KCNH5: variants seen among roughly 807,000 people sequenced by gnomAD.
KCNH5 encodes potassium voltage-gated channel subfamily H member 5, also known as voltage-gated delayed rectifier potassium channel KCNH5.
A neutral mutation model predicts 96.1 loss-of-function variants in KCNH5; 46 were observed. The observed-to-expected ratio is 0.48, with a 90% CI of 0.38 to 0.61. The LOEUF is 0.61. Among genes scored for constraint, KCNH5 ranks in the 20% least tolerant of loss-of-function variants. The pLI is 0.00. For missense variants in KCNH5, 907 were observed against 1,225.8 expected, an observed-to-expected ratio of 0.74 and a Z score of 3.88; for synonymous variants, 439 against 449.8, an observed-to-expected ratio of 0.98 and a Z score of 0.30.
At chr14:62,782,289 T>A (rs1886235242) in intron 9 of KCNH5, among the ~76,000 whole-genome samples, 1 of 152,192 alleles carries the variant, frequency 6.6e-6, no homozygotes. Context: ...ATTTCAAGCT[T>A]AAGAGGCACT....
At chr14:62,875,324 A>G (rs1183971993) in intron 7 of KCNH5, among the ~76,000 whole-genome samples, 2 of 152,116 alleles carry the variant, frequency 1.3e-5, no homozygotes, top group Non-Finnish European at 2.9e-5. Flanking sequence ...CTTTCTTCAC[A>G]GAATTGGAAA....
chr14:62,968,862 T>C, intron 6 of KCNH5, among the ~76,000 whole-genome samples: 1 of 152,318 alleles, frequency 6.6e-6, no homozygotes, highest in East Asian at 1.9e-4. Flanking sequence ...TAAAGATCTT[T>C]GCTGGATTTG....
intron 7 of KCNH5, among the ~76,000 whole-genome samples, chr14:62,897,383 G>A (rs895590635): frequency 6.6e-6 from 1 of 152,148 alleles, no homozygotes; most frequent in African/African-American, 2.4e-5. Flanking sequence ...GTCAGGTATT[G>A]TAAGGCAAGA....
In KCNH5 at chr14:62,908,782, A is replaced by ATTTTTTTTTTTTTTTTT. The variant is rs71120241; in HGVS notation, c.1369+41334_1369+41350dup. 1.8e-3 allele frequency among the ~76,000 whole-genome samples: 43 copies of ATTTTTTTTTTTTTTTTT among 23,718 alleles called. 9 individuals are homozygous for ATTTTTTTTTTTTTTTTT. The highest frequency in any genetic ancestry group is 2.3e-3 in the Non-Finnish European group (33 of 14,346). 15.6% of individuals were successfully genotyped at this position (23,718 alleles called of 152,430 possible). The stretch of plus-strand genomic sequence containing the variant: ...TTGCCCTTTGTTGATTTTGCTTTGT[A>ATTTTTTTTTTTTTTTTT]TTTTTTTTTTTTTTTTTTTTTTTTT... On this transcript the variant is annotated intron_variant, in intron 7 of 10. Coordinates refer to ENST00000322893, the MANE Select transcript of KCNH5 (RefSeq NM_139318.5).
chr14:62,935,219 A>G (rs1889655888), intron 7 of KCNH5, among the ~76,000 whole-genome samples: 1 of 152,218 alleles, frequency 6.6e-6, no homozygotes, highest in South Asian at 2.1e-4. Flanking sequence ...GAGAACTAGT[A>G]TGGTTTTGAA....
intron 8 of KCNH5, among the ~76,000 whole-genome samples, chr14:62,826,972 T>C (rs1005519391): frequency 1.3e-5 from 2 of 151,968 alleles, no homozygotes; most frequent in Admixed American, 1.3e-4. Context: ...GATCAAAAGA[T>C]ACATGAAAGG....
Position 62,703,562 on chromosome 14 carries a change from T to A in KCNH5, c.*3946A>T, listed in dbSNP as rs551544921. The A allele has an allele frequency of 6.6e-6, 1 of 151,974 alleles. No homozygotes were observed. Among genetic ancestry groups the A allele is most frequent in the South Asian group, 2.1e-4 (1 of 4,832 alleles). 9.4% of individuals were successfully genotyped at this position (151,974 alleles called of 1,614,324 possible). A position where few individuals can be genotyped will look rare whatever the true frequency, so the allele number is the denominator to read the frequency against. On this transcript the variant is annotated 3_prime_UTR_variant, in exon 11 of 11. Coordinates refer to ENST00000322893, the MANE Select transcript of KCNH5 (RefSeq NM_139318.5). The stretch of plus-strand genomic sequence containing the variant: ...TAGGAAAGGTTAACTTGCCCATAAT[T>A]ACACTTCTAGTTTGTGGTAAAGCTA...
intron 7 of KCNH5, among the ~76,000 whole-genome samples, chr14:62,928,188 G>A (rs1889511184): frequency 6.6e-6 from 1 of 152,108 alleles, no homozygotes; most frequent in Middle Eastern, 3.2e-3. Flanking sequence ...CCAGAAATAA[G>A]AGGAGTCAGC....
At chr14:62,877,718 G>C in intron 7 of KCNH5, among the ~76,000 whole-genome samples, 1 of 151,702 alleles carries the variant, frequency 6.6e-6, no homozygotes, top group Admixed American at 6.6e-5. Context: ...AGGATGTGGA[G>C]AAATAGGAAC....
intron 7 of KCNH5, among the ~76,000 whole-genome samples, chr14:62,852,901 C>T (rs1046666721): frequency 9.9e-5 from 15 of 152,084 alleles, no homozygotes; most frequent in African/African-American, 3.6e-4. Flanking sequence ...TCAGTAGAAG[C>T]TCCCTCTAAA....
intron 1 of KCNH5, among the ~76,000 whole-genome samples, chr14:63,030,524 C>A (rs1362586457): frequency 6.6e-6 from 1 of 152,134 alleles, no homozygotes; most frequent in African/African-American, 2.4e-5. Context: ...AGATTATTAC[C>A]AGTGTTTCTC....
At chr14:63,017,097 A>T (rs993651537) in intron 1 of KCNH5, 143 bp from the exon 2 acceptor site, 10 of 727,602 alleles carry the variant, frequency 1.4e-5, no homozygotes, top group Non-Finnish European at 1.9e-5. Context: ...CCTGTTCTTG[A>T]AACTGACATA....
At chr14:62,884,385 G>A (rs1429279276) in intron 7 of KCNH5, among the ~76,000 whole-genome samples, 1 of 152,216 alleles carries the variant, frequency 6.6e-6, no homozygotes, top group South Asian at 2.1e-4. Context: ...AGCACTCTGG[G>A]AGGCCAAGGT....
intron 8 of KCNH5, among the ~76,000 whole-genome samples, 191 bp downstream of exon 8, chr14:62,849,462 G>A (rs968637725): frequency 2.0e-5 from 3 of 152,158 alleles, no homozygotes; most frequent in Admixed American, 1.3e-4. Context: ...GGTAATAATT[G>A]ATGATTAATG....
intron 10 of KCNH5, among the ~76,000 whole-genome samples, chr14:62,720,886 A>T (rs961903248): frequency 2.0e-5 from 3 of 152,204 alleles, no homozygotes; most frequent in African/African-American, 7.2e-5. Flanking sequence ...ATGCACACAC[A>T]CACACTGTAT....
chr14:62,780,967 C>T (rs75565652), intron 9 of KCNH5, among the ~76,000 whole-genome samples: 1 of 152,138 alleles, frequency 6.6e-6, no homozygotes, highest in East Asian at 1.9e-4. Context: ...AGGTGAGCAA[C>T]TATCTGCTGT....
At chr14:62,884,617 C>T (rs142228461) in intron 7 of KCNH5, among the ~76,000 whole-genome samples, 3,805 of 152,118 alleles carry the variant, frequency 0.025, 66 homozygotes, top group Middle Eastern at 0.044. Context: ...GAGAATAAGA[C>T]TCTGTCTCAA....
At chr14:62,840,067 C>G (rs1375152457) in intron 8 of KCNH5, among the ~76,000 whole-genome samples, 1 of 152,098 alleles carries the variant, frequency 6.6e-6, no homozygotes, top group South Asian at 2.1e-4. Context: ...AACATAAGAG[C>G]AGGGATTATG....
chr14:63,043,933 G>A (rs1235477819), intron 1 of KCNH5, among the ~76,000 whole-genome samples: 1 of 152,246 alleles, frequency 6.6e-6, no homozygotes, highest in Middle Eastern at 3.4e-3. Context: ...TAAGAAGAGG[G>A]GATGTGTATT....
Sources: gnomAD v4.1 joint callset for allele counts (sites outside exome capture counted in the v4.1 genomes callset) on GRCh38, gnomAD v4.1.1 for gene constraint, MANE v1.5 for transcripts, NCBI Gene and HGNC (gene_info 2026-07-23, HGNC 2026-07-21) for gene names.